Variants in EGF observed in about 807,000 individuals in gnomAD.
The protein encoded by EGF is epidermal growth factor.
EGF carries 95 observed loss-of-function variants against 143.8 expected under a neutral mutation model. The observed-to-expected ratio is 0.66, with a 90% CI of 0.56 to 0.78. The LOEUF is 0.78. EGF is among the 30% of genes least tolerant of loss of function. The pLI, the probability that EGF is intolerant of heterozygous loss-of-function variation, is 0.00. For missense variants in EGF, 1,320 were observed against 1,470.9 expected, an observed-to-expected ratio of 0.90 and a Z score of 1.68; for synonymous variants, 510 against 510.5, an observed-to-expected ratio of 1.00 and a Z score of 0.01.
chr4:109,989,018 C>A (rs1305641320), intron 18 of EGF, among the ~76,000 whole-genome samples: 1 of 152,056 alleles, frequency 6.6e-6, no homozygotes, highest in Non-Finnish European at 1.5e-5. Flanking sequence ...CCACCTTGAG[C>A]CATCATGGGG....
chr4:109,934,075 CCAA>C (rs1219726220), intron 1 of EGF, among the ~76,000 whole-genome samples: 4 of 152,232 alleles, frequency 2.6e-5, no homozygotes, highest in African/African-American at 9.6e-5. Context: ...CACATCCTCT[CCAA>C]CATCTGTTGT....
intron 21 of EGF, 25 bp from the exon 22 acceptor site, chr4:110,004,480 G>T (rs766748654): frequency 6.2e-7 from 1 of 1,602,960 alleles, no homozygotes; most frequent in South Asian, 1.1e-5. Flanking sequence ...TTGTGAGATT[G>T]TCTCAAATTT....
At chr4:109,951,358 A>G (rs1743889521) in intron 5 of EGF, among the ~76,000 whole-genome samples, 1 of 151,982 alleles carries the variant, frequency 6.6e-6, no homozygotes, top group African/African-American at 2.4e-5. Context: ...ACTCCGTCTC[A>G]AACCCCACCC....
chr4:109,944,970 T>C, intron 4 of EGF, 103 bp from the exon 5 acceptor site: 3 of 1,203,826 alleles, frequency 2.5e-6, no homozygotes, highest in Non-Finnish European at 1.2e-6. Flanking sequence ...ATTGAAAACG[T>C]AGGTGGTTAA....
intron 1 of EGF, among the ~76,000 whole-genome samples, chr4:109,934,443 T>C (rs944628940): frequency 2.6e-5 from 4 of 152,348 alleles, no homozygotes; most frequent in African/African-American, 9.6e-5. Flanking sequence ...TTAAGTTCTT[T>C]GTATATTCTA....
At chr4:109,916,966 A>G (rs1326394257) in intron 1 of EGF, among the ~76,000 whole-genome samples, 1 of 152,172 alleles carries the variant, frequency 6.6e-6, no homozygotes, top group Non-Finnish European at 1.5e-5. Flanking sequence ...AAATACAAGA[A>G]CATGTCAACT....
intron 1 of EGF, among the ~76,000 whole-genome samples, chr4:109,939,067 G>T (rs181240412): frequency 1.3e-5 from 2 of 152,368 alleles, no homozygotes; most frequent in East Asian, 1.9e-4. Context: ...GTCAGGCAGG[G>T]ATGTTTAAGT....
Position 109,932,360 on chromosome 4 carries a change from C to CATATATATATATATATATATATATAT in EGF, c.128-8569_128-8568insTATATATATATATATATATATATATA, listed in dbSNP as rs57424246. Among the ~76,000 whole-genome samples, 533 of 86,096 alleles carry CATATATATATATATATATATATATAT rather than the reference C, an allele frequency of 6.2e-3. 8 individuals are homozygous for CATATATATATATATATATATATATAT. Among genetic ancestry groups the CATATATATATATATATATATATATAT allele is most frequent in the East Asian group, 0.011 (27 of 2,360 alleles). The allele number at this position is 86,096 out of a possible 152,430, so 56.5% of individuals were successfully genotyped here. On this transcript the variant is annotated intron_variant, in intron 1 of 23. Transcript: ENST00000265171. ...TTTACATGAAAACCTCCCATTTAGT[C>CATATATATATATATATATATATATAT]ATATATATATATATATAAATTTTTT...
intron 20 of EGF, among the ~76,000 whole-genome samples, chr4:109,996,957 G>C (rs1751875747): frequency 6.6e-6 from 1 of 152,068 alleles, no homozygotes; most frequent in African/African-American, 2.4e-5. Context: ...AAAACAGGCT[G>C]TATGGTCAAA....
At chr4:109,932,365 A>T (rs1739885322) in intron 1 of EGF, among the ~76,000 whole-genome samples, 1 of 124,230 alleles carries the variant, frequency 8.0e-6, no homozygotes. Flanking sequence ...TTAGTCATAT[A>T]TATATATATA....
chr4:109,971,371 G>A (rs1475023204), intron 11 of EGF, among the ~76,000 whole-genome samples: 1 of 152,180 alleles, frequency 6.6e-6, no homozygotes. Flanking sequence ...AATGTCGGCT[G>A]TGTATAATAA....
chr4:109,927,237 G>GA (rs1324475723), intron 1 of EGF, among the ~76,000 whole-genome samples: 1 of 152,160 alleles, frequency 6.6e-6, no homozygotes, highest in Non-Finnish European at 1.5e-5. Context: ...ACATAATTGT[G>GA]AAAAATTATT....
chr4:109,995,797 C>T (rs1751715855), intron 20 of EGF, among the ~76,000 whole-genome samples: 1 of 152,142 alleles, frequency 6.6e-6, no homozygotes, highest in Non-Finnish European at 1.5e-5. Flanking sequence ...TCTCTTATTT[C>T]ATCAGTAATA....
intron 18 of EGF, among the ~76,000 whole-genome samples, chr4:109,992,838 A>G (rs574394634): frequency 9.2e-5 from 14 of 151,962 alleles, no homozygotes; most frequent in African/African-American, 3.1e-4. Context: ...TCAGCAAACT[A>G]TCACAAGGAC....
At chr4:109,968,021 G>A (rs1192731470) in intron 10 of EGF, among the ~76,000 whole-genome samples, 3 of 152,158 alleles carry the variant, frequency 2.0e-5, no homozygotes, top group Non-Finnish European at 4.4e-5. Context: ...TGAAGGCTTA[G>A]GACATGACTG....
At chr4:109,974,916 C>A in intron 12 of EGF, 109 bp downstream of exon 12, 2 of 780,942 alleles carry the variant, frequency 2.6e-6, no homozygotes, top group Non-Finnish European at 4.4e-6. Flanking sequence ...GCAATTTGTT[C>A]AAATCTTCAG....
Position 109,944,210 on chromosome 4 carries a change from G to A in EGF, c.737+141G>A, listed in dbSNP as rs11568902. On this transcript the variant is annotated intron_variant, in intron 4 of 23. Transcript: ENST00000265171. Reference sequence around the variant, plus strand: ...CCAAAAGACTTGAGTTTGGCCGGGCGCGGCGGATCACGAGGTCAGGAGATC... The same window carrying A: ...CCAAAAGACTTGAGTTTGGCCGGGCACGGCGGATCACGAGGTCAGGAGATC... The A allele has an allele frequency of 6.6e-3, 5,951 of 908,144 alleles. 200 individuals carry two copies. The African/African-American group carries it at 0.079, about 12-fold the overall frequency. The allele number at this position is 908,144 out of a possible 1,614,324, so 56.3% of individuals were successfully genotyped here. A position where few individuals can be genotyped will look rare whatever the true frequency, so the allele number is the denominator to read the frequency against.
chr4:110,005,171 A>G (rs1753107634), intron 22 of EGF, among the ~76,000 whole-genome samples: 2 of 145,926 alleles, frequency 1.4e-5, no homozygotes, highest in Admixed American at 7.1e-5. Flanking sequence ...TCAGCCTCCC[A>G]AATAGCTGGG....
intron 1 of EGF, among the ~76,000 whole-genome samples, chr4:109,922,599 G>A (rs572222960): frequency 1.3e-5 from 2 of 151,772 alleles, no homozygotes; most frequent in South Asian, 2.1e-4. Flanking sequence ...TTATACAGTG[G>A]GTTGATCTTG....
Sources: allele counts gnomAD v4.1 joint callset (sites outside exome capture counted in the v4.1 genomes callset), GRCh38; gene constraint gnomAD v4.1.1; transcripts MANE v1.5; gene names NCBI Gene and HGNC (gene_info 2026-07-23, HGNC 2026-07-21).